The following CD247 variants were observed in gnomAD, a reference collection of about 807,000 sequenced individuals.
The protein encoded by CD247 is CD247 molecule.
CD247 carries 13 observed loss-of-function variants against 30.0 expected under a neutral mutation model. The ratio of observed to expected loss-of-function variants is 0.43; its 90% CI spans 0.28 to 0.69. The LOEUF is 0.69. Among genes scored for constraint, CD247 ranks in the 30% least tolerant of loss-of-function variants. CD247 has a pLI of 0.16. For synonymous variants in CD247, 72 were observed against 80.0 expected, an observed-to-expected ratio of 0.90 and a Z score of 0.53; for missense variants, 193 against 212.6, an observed-to-expected ratio of 0.91 and a Z score of 0.57.
intron 1 of CD247, among the ~76,000 whole-genome samples, chr1:167,511,128 T>C (rs1655370392): frequency 1.3e-5 from 2 of 152,184 alleles, no homozygotes; most frequent in South Asian, 2.1e-4. Context: ...ACATTTGTCA[T>C]TCAAAGATAA....
chr1:167,433,909 C>A, intron 6 of CD247, 111 bp downstream of exon 6: 2 of 1,007,318 alleles, frequency 2.0e-6, no homozygotes, highest in East Asian at 4.7e-5. Flanking sequence ...ATGGCCACCA[C>A]ATGGGCATTT....
intron 1 of CD247, among the ~76,000 whole-genome samples, chr1:167,510,222 C>A (rs907030390): frequency 2.0e-5 from 3 of 152,208 alleles, no homozygotes; most frequent in African/African-American, 7.2e-5. Context: ...CACATCCCTG[C>A]AGATGCAGGC....
chr1:167,452,672 G>C (rs890909938), intron 1 of CD247, among the ~76,000 whole-genome samples: 27 of 152,262 alleles, frequency 1.8e-4, no homozygotes, highest in African/African-American at 5.3e-4. Context: ...TCCCACGAGA[G>C]AGGGGCACAG....
chr1:167,461,417 G>T (rs1571546597), intron 1 of CD247, among the ~76,000 whole-genome samples: 1 of 152,220 alleles, frequency 6.6e-6, no homozygotes, highest in Non-Finnish European at 1.5e-5. Context: ...CTGTAGAAAA[G>T]AGACTGGAAG....
intron 1 of CD247, among the ~76,000 whole-genome samples, chr1:167,508,512 C>G (rs572730687): frequency 1.7e-4 from 26 of 152,300 alleles, no homozygotes; most frequent in African/African-American, 5.1e-4. Flanking sequence ...CTTTGCCAAC[C>G]TTTTGTAGCT....
chr1:167,504,741 T>A (rs890424162), intron 1 of CD247, among the ~76,000 whole-genome samples: 1 of 152,192 alleles, frequency 6.6e-6, no homozygotes, highest in Non-Finnish European at 1.5e-5. Context: ...AACGGGACGC[T>A]AGGGCAGTGG....
intron 4 of CD247, among the ~76,000 whole-genome samples, chr1:167,436,328 C>A (rs955993941): frequency 6.6e-6 from 1 of 152,156 alleles, no homozygotes; most frequent in Non-Finnish European, 1.5e-5. Context: ...ACAATAAAGG[C>A]CACATATGAC....
chr1:167,453,025 T>C (rs1048023246), intron 1 of CD247, among the ~76,000 whole-genome samples: 2 of 89,394 alleles, frequency 2.2e-5, no homozygotes, highest in Admixed American at 1.4e-4. Flanking sequence ...ATATATATTA[T>C]AGATATATAT....
intron 5 of CD247, chr1:167,434,716 G>C (rs1419203680): frequency 2.2e-6 from 1 of 446,632 alleles, no homozygotes; most frequent in Non-Finnish European, 4.5e-6. Context: ...ACCCCAGGCT[G>C]ATCAACCTGG....
intron 1 of CD247, among the ~76,000 whole-genome samples, chr1:167,447,506 AT>A (rs1313410367): frequency 6.6e-6 from 1 of 152,110 alleles, no homozygotes; most frequent in Non-Finnish European, 1.5e-5. Context: ...AGAAGCACAA[AT>A]CACACAGATC....
intron 1 of CD247, among the ~76,000 whole-genome samples, chr1:167,467,224 A>G (rs1395656393): frequency 6.6e-6 from 1 of 152,218 alleles, no homozygotes; most frequent in Non-Finnish European, 1.5e-5. Flanking sequence ...TTTAAAATTT[A>G]TCGTGGACTC....
At chr1:167,475,061 A>C (rs1302030912) in intron 1 of CD247, among the ~76,000 whole-genome samples, 1 of 152,098 alleles carries the variant, frequency 6.6e-6, no homozygotes, top group Non-Finnish European at 1.5e-5. Context: ...AAAACTGTCA[A>C]ATATTTTTAT....
intron 1 of CD247, among the ~76,000 whole-genome samples, chr1:167,443,746 C>T (rs1302847055): frequency 1.3e-5 from 2 of 152,278 alleles, no homozygotes; most frequent in Middle Eastern, 3.4e-3. Flanking sequence ...CTTCCTTCTT[C>T]CTTTCTTTCT....
At position 167,440,662 on chromosome 1, in the gene CD247, A is replaced by G; in HGVS notation, c.162+2T>C. ...CTCCTCCCAAAGCCCAGTGGTACCCACCTTCACTCTCAGGAACAAGGCAGT... is the reference window on the plus strand; with the variant it reads ...CTCCTCCCAAAGCCCAGTGGTACCCGCCTTCACTCTCAGGAACAAGGCAGT... On this transcript the variant is annotated splice_donor_variant, in intron 2 of 7. Transcript: ENST00000362089. LOFTEE classifies it high-confidence loss of function. 1 of 1,603,740 alleles carries G rather than the reference A, an allele frequency of 6.2e-7. No homozygotes were observed. The highest frequency in any genetic ancestry group is 8.5e-7 in the Non-Finnish European group (1 of 1,170,812).
At chr1:167,456,747 G>A (rs999739144) in intron 1 of CD247, among the ~76,000 whole-genome samples, 1 of 152,180 alleles carries the variant, frequency 6.6e-6, no homozygotes, top group Non-Finnish European at 1.5e-5. Flanking sequence ...GTGAGGGAGG[G>A]CAGCCCCAAA....
rs1314023543 is a variant in CD247 at position 167,440,654 on chromosome 1, T to G, written c.162+10A>C. On this transcript the variant is annotated intron_variant, in intron 2 of 7. Transcript: ENST00000362089. Reference sequence around the variant, plus strand: ...CCCGTGCCCTCCTCCCAAAGCCCAGTGGTACCCACCTTCACTCTCAGGAAC... The same window carrying G: ...CCCGTGCCCTCCTCCCAAAGCCCAGGGGTACCCACCTTCACTCTCAGGAAC... The G allele has an allele frequency of 6.3e-7, 1 of 1,592,462 alleles. No individual in the cohort carries two copies. Among genetic ancestry groups the G allele is most frequent in the Non-Finnish European group, 8.6e-7 (1 of 1,160,710 alleles).
At position 167,494,215 on chromosome 1, in the gene CD247, G is replaced by A. The variant is rs938037941; in HGVS notation, c.58+24193C>T. Reference sequence around the variant, plus strand: ...GGCTAGTGAATAAAACACTTCTGAAGGGTCTTTGCTGCCTGTGTTGATGGC... The same window carrying A: ...GGCTAGTGAATAAAACACTTCTGAAAGGTCTTTGCTGCCTGTGTTGATGGC... On this transcript the variant is annotated intron_variant, in intron 1 of 7. Transcript: ENST00000362089. This position sits in a 1 kb window ranked among gnomAD's most constrained non-coding sequence, Gnocchi z 7.3. Among the ~76,000 whole-genome samples the A allele has an allele frequency of 9.2e-5, 14 of 152,200 alleles. No individual in the cohort carries two copies. The highest frequency in any genetic ancestry group is 2.1e-4 in the Non-Finnish European group (14 of 68,038).
chr1:167,473,978 C>T lies in CD247; in HGVS notation c.59-33211G>A, dbSNP rs991000591. Among the ~76,000 whole-genome samples, 24 of 152,128 alleles carry T rather than the reference C, an allele frequency of 1.6e-4. 1 individual carries two copies. Among genetic ancestry groups the T allele is most frequent in the Admixed American group, 9.2e-4 (14 of 15,268 alleles). Reference sequence around the variant, plus strand: ...CCTGTGCCCTTTTGGTCTTCTATGCCGTTTTCATCTTGTACTTGTCTCTGG... The same window carrying T: ...CCTGTGCCCTTTTGGTCTTCTATGCTGTTTTCATCTTGTACTTGTCTCTGG... On this transcript the variant is annotated intron_variant, in intron 1 of 7. Transcript: ENST00000362089.
chr1:167,433,197 GAGA>G, intron 6 of CD247, 138 bp from the exon 7 acceptor site: 1 of 835,148 alleles, frequency 1.2e-6, no homozygotes, highest in Non-Finnish European at 2.0e-6. Flanking sequence ...GCCCCTGGGA[GAGA>G]AGGATCCTCA....
Sources: allele counts gnomAD v4.1 joint callset (sites outside exome capture counted in the v4.1 genomes callset), GRCh38; gene constraint gnomAD v4.1.1; non-coding constraint Gnocchi (gnomAD v3.1); transcripts MANE v1.5; gene names NCBI Gene and HGNC (gene_info 2026-07-23, HGNC 2026-07-21).